The following CMTM3 variants were observed in gnomAD, a reference collection of about 807,000 sequenced individuals.
CMTM3 encodes CKLF-like MARVEL transmembrane domain-containing protein 3.
In CMTM3, 7 loss-of-function variants were observed where a neutral mutation model predicts 18.2. The ratio of observed to expected loss-of-function variants is 0.38; its 90% CI spans 0.22 to 0.72. The LOEUF is 0.72. Among genes scored for constraint, CMTM3 ranks in the 30% least tolerant of loss-of-function variants. CMTM3 has a pLI of 0.46. For missense variants in CMTM3, 227 were observed against 249.2 expected (o/e 0.91, Z 0.60); for synonymous variants, 109 against 111.2 (o/e 0.98, Z 0.12).
chr16:66,605,226 T>C lies in CMTM3; in HGVS notation c.147+274T>C. ...GTGGGAAGTGGGTGGGGCCCGGGGA[T>C]GTGGGTCCTGCTGTGTGAGCCAGGC... On this transcript the variant is annotated intron_variant, in intron 1 of 4. Coordinates refer to ENST00000567572, the MANE Select transcript of CMTM3 (RefSeq NM_181553.4). This position sits in a 1 kb window ranked among gnomAD's most constrained non-coding sequence, Gnocchi z 4.6. 6.1e-6 allele frequency: 2 copies of C among 326,312 alleles called. No homozygotes were observed. The highest frequency in any genetic ancestry group is 1.1e-5 in the Non-Finnish European group (2 of 178,080). 20.2% of individuals were successfully genotyped at this position (326,312 alleles called of 1,614,324 possible).
Position 66,612,317 on chromosome 16 carries a change from G to C in CMTM3, c.521-292G>C, listed in dbSNP as rs1431075949. 1.3e-5 allele frequency among the ~76,000 whole-genome samples: 2 copies of C among 152,172 alleles called. No homozygotes were observed. Among genetic ancestry groups the C allele is most frequent in the Non-Finnish European group, 2.9e-5 (2 of 68,024 alleles). ...GCTACTCGGGAGGGAGGAAGTTGCA[G>C]TGAGTCGAGATCCCGCCATTGCACT... On this transcript the variant is annotated intron_variant, in intron 4 of 4. Transcript: ENST00000567572. This position sits in a 1 kb window ranked among gnomAD's most constrained non-coding sequence, Gnocchi z 6.0.
Position 66,613,649 on chromosome 16 carries a change from G to C in CMTM3, c.*1012G>C, listed in dbSNP as rs2015467218. 6.5e-6 allele frequency: 1 copy of C among 153,536 alleles called. No homozygotes were observed. The highest frequency in any genetic ancestry group is 1.4e-5 in the Non-Finnish European group (1 of 68,982). 9.5% of individuals were successfully genotyped at this position (153,536 alleles called of 1,614,324 possible). Reference sequence around the variant, plus strand: ...GACTCTAGGCCTCACAAAAGAGCCAGAGTTCTGGACCCATGTTTGGAGCAT... The same window carrying C: ...GACTCTAGGCCTCACAAAAGAGCCACAGTTCTGGACCCATGTTTGGAGCAT... On this transcript the variant is annotated 3_prime_UTR_variant, in exon 5 of 5. Transcript: ENST00000567572.
At chr16:66,607,855 C>T (rs1476772292) in intron 1 of CMTM3, among the ~76,000 whole-genome samples, 4 of 149,278 alleles carry the variant, frequency 2.7e-5, no homozygotes, top group Admixed American at 6.7e-5. Context: ...TTTGTAGGGG[C>T]GGGTGCGGAC....
rs1031758621 is a variant in CMTM3, at chr16:66,605,074, C to T, written c.147+122C>T. On this transcript the variant is annotated intron_variant, in intron 1 of 4. Transcript: ENST00000567572. This position sits in a 1 kb window ranked among gnomAD's most constrained non-coding sequence, Gnocchi z 4.6. Reference sequence around the variant, plus strand: ...GTGCTCCGATACCCCCTCTCCGCGCCGCCTCGGCCGACTTCTCTCGGGCGC... The same window carrying T: ...GTGCTCCGATACCCCCTCTCCGCGCTGCCTCGGCCGACTTCTCTCGGGCGC... The T allele has an allele frequency of 4.3e-6, 4 of 925,074 alleles. No individual in the cohort carries two copies. Among genetic ancestry groups the T allele is most frequent in the Non-Finnish European group, 5.7e-6 (4 of 695,718 alleles). The allele number at this position is 925,074 out of a possible 1,614,324, so 57.3% of individuals were successfully genotyped here.
At position 66,610,983 on chromosome 16, in the gene CMTM3, A is replaced by T. The variant is rs1031722115; in HGVS notation, c.520+980A>T. 2.5e-6 allele frequency: 1 copy of T among 398,196 alleles called. No individual in the cohort carries two copies. Among genetic ancestry groups the T allele is most frequent in the African/African-American group, 2.1e-5 (1 of 48,638 alleles). 24.7% of individuals were successfully genotyped at this position (398,196 alleles called of 1,614,324 possible). On this transcript the variant is annotated intron_variant, in intron 4 of 4. Coordinates refer to ENST00000567572, the MANE Select transcript of CMTM3 (RefSeq NM_181553.4). This position sits in a 1 kb window ranked among gnomAD's most constrained non-coding sequence, Gnocchi z 4.6. ...CCAGGCGGTTTCCTCAGGCTCTGCA[A>T]CCTGCTCCCAGTTGCCCGCAGCAAG...
Position 66,604,935 on chromosome 16 carries a change from C to A in CMTM3, c.130C>A (p.Leu44Ile). The A allele has an allele frequency of 6.7e-7, 1 of 1,501,944 alleles. No homozygotes were observed. Among genetic ancestry groups the A allele is most frequent in the Non-Finnish European group, 8.8e-7 (1 of 1,135,958 alleles). The allele number at this position is 1,501,944 out of a possible 1,614,324, so 93.0% of individuals were successfully genotyped here. ...TTTCCTCTGCTCTCTCAAAGGCCGC[C>A]TCCTGCTGGCCGAGTCGGTGAGTGC... is the stretch of plus-strand genomic sequence containing the variant. Reference protein sequence around the residue: ...RAFLCSLKGRLLLAESGLSFI... With the variant: ...RAFLCSLKGRILLAESGLSFI... Residue 44 changes from leucine (L) to isoleucine (I), a missense_variant, in exon 1 of 5, where the codon CTC becomes ATC. Coordinates refer to ENST00000567572, the MANE Select transcript of CMTM3 (RefSeq NM_181553.4).
At chr16:66,606,872 A>G (rs2015176001) in intron 1 of CMTM3, among the ~76,000 whole-genome samples, 1 of 152,206 alleles carries the variant, frequency 6.6e-6, no homozygotes, top group Admixed American at 6.5e-5. Flanking sequence ...GGGCGCCTGT[A>G]ATCCCAGCTA....
chr16:66,609,795 A>C lies in CMTM3; in HGVS notation c.400-88A>C, dbSNP rs773520692. The C allele has an allele frequency of 3.7e-6, 6 of 1,613,402 alleles. No homozygotes were observed. The highest frequency in any genetic ancestry group is 1.6e-4 in the Middle Eastern group (1 of 6,084). ...TGACACTCGGGCTGTTTGTCCAAGC[A>C]GATCTGAAATGGGCCGTGAGGCTGG... is the stretch of plus-strand genomic sequence containing the variant. On this transcript the variant is annotated intron_variant, in intron 3 of 4. Coordinates refer to ENST00000567572, the MANE Select transcript of CMTM3 (RefSeq NM_181553.4). The surrounding 1 kb of genome is among the most constrained non-coding windows in gnomAD (Gnocchi z 4.4).
chr16:66,609,672 C>T lies in CMTM3; in HGVS notation c.399+142C>T. On this transcript the variant is annotated intron_variant, in intron 3 of 4. Coordinates refer to ENST00000567572, the MANE Select transcript of CMTM3 (RefSeq NM_181553.4). This position sits in a 1 kb window ranked among gnomAD's most constrained non-coding sequence, Gnocchi z 4.4. ...CCCGATGATGATTCCAAAGTCCTCT[C>T]ATTAAAGACTGACTCTACCCGGGGT... The T allele has an allele frequency of 1.3e-6, 2 of 1,533,456 alleles. No individual in the cohort carries two copies. The highest frequency in any genetic ancestry group is 3.9e-5 in the Admixed American group (2 of 50,942). 95.0% of individuals were successfully genotyped at this position (1,533,456 alleles called of 1,614,324 possible). A position where few individuals can be genotyped will look rare whatever the true frequency, so the allele number is the denominator to read the frequency against.
At position 66,610,391 on chromosome 16, in the gene CMTM3, G is replaced by A. The variant is rs372774147; in HGVS notation, c.520+388G>A. Among the ~76,000 whole-genome samples the A allele has an allele frequency of 2.0e-5, 3 of 152,182 alleles. No homozygotes were observed. The highest frequency in any genetic ancestry group is 1.9e-4 in the East Asian group (1 of 5,184). ...CCAGGCCTGTCCTGGGAAGCTCAGAGCCCAGAAAGGAGTCAGACCCAGAAA... is the reference window on the plus strand; with the variant it reads ...CCAGGCCTGTCCTGGGAAGCTCAGAACCCAGAAAGGAGTCAGACCCAGAAA... On this transcript the variant is annotated intron_variant, in intron 4 of 4. Transcript: ENST00000567572. This position sits in a 1 kb window ranked among gnomAD's most constrained non-coding sequence, Gnocchi z 4.6.
chr16:66,613,321 A>G lies in CMTM3; in HGVS notation c.*684A>G, dbSNP rs910384599. On this transcript the variant is annotated 3_prime_UTR_variant, in exon 5 of 5. Transcript: ENST00000567572. Reference sequence around the variant, plus strand: ...GACTGTTTCAAAGAAGAGCTCATAGACTGACTGGTCCAGAAGACAGAGGGT... The same window carrying G: ...GACTGTTTCAAAGAAGAGCTCATAGGCTGACTGGTCCAGAAGACAGAGGGT... 1 of 586,280 alleles carries G rather than the reference A, an allele frequency of 1.7e-6. No individual in the cohort carries two copies. The highest frequency in any genetic ancestry group is 1.9e-5 in the African/African-American group (1 of 53,628). 36.3% of individuals were successfully genotyped at this position (586,280 alleles called of 1,614,324 possible).
At position 66,612,034 on chromosome 16, in the gene CMTM3, G is replaced by A. The variant is rs1443482027; in HGVS notation, c.521-575G>A. Among the ~76,000 whole-genome samples, 1 of 152,124 alleles carries A rather than the reference G, an allele frequency of 6.6e-6. No homozygotes were observed. Among genetic ancestry groups the A allele is most frequent in the East Asian group, 1.9e-4 (1 of 5,180 alleles). On this transcript the variant is annotated intron_variant, in intron 4 of 4. Coordinates refer to ENST00000567572, the MANE Select transcript of CMTM3 (RefSeq NM_181553.4). This position sits in a 1 kb window ranked among gnomAD's most constrained non-coding sequence, Gnocchi z 6.0. ...GAAAAGCCCAGGGAGACTCCGGAGG[G>A]GCTGGGCCTGAGGAAGGGGCACCTG...
chr16:66,613,205 G>C lies in CMTM3; in HGVS notation c.*568G>C, dbSNP rs1450301022. The C allele has an allele frequency of 1.4e-6, 1 of 693,314 alleles. No individual in the cohort carries two copies. Among genetic ancestry groups the C allele is most frequent in the African/African-American group, 1.8e-5 (1 of 57,022 alleles). 42.9% of individuals were successfully genotyped at this position (693,314 alleles called of 1,614,324 possible). ...GGGAGAAATTGACCTTTGCCTTGTC[G>C]CCCAGGAAGTGGGGCTCGGCACCCA... is the stretch of plus-strand genomic sequence containing the variant. On this transcript the variant is annotated 3_prime_UTR_variant, in exon 5 of 5. Transcript: ENST00000567572.
At position 66,612,985 on chromosome 16, in the gene CMTM3, T is replaced by C; in HGVS notation, c.*348T>C. The stretch of plus-strand genomic sequence containing the variant: ...CTGGGCAGCAGGTGTTCCATGCTGC[T>C]AGGTGGCGGGGGTCGGGGGTCTTCT... On this transcript the variant is annotated 3_prime_UTR_variant, in exon 5 of 5. Coordinates refer to ENST00000567572, the MANE Select transcript of CMTM3 (RefSeq NM_181553.4). This position sits in a 1 kb window ranked among gnomAD's most constrained non-coding sequence, Gnocchi z 6.0. 1 of 697,108 alleles carries C rather than the reference T, an allele frequency of 1.4e-6. No homozygotes were observed. The highest frequency in any genetic ancestry group is 1.5e-5 in the South Asian group (1 of 67,080). 43.2% of individuals were successfully genotyped at this position (697,108 alleles called of 1,614,324 possible).
Sources: gnomAD v4.1 joint callset for allele counts (sites outside exome capture counted in the v4.1 genomes callset) on GRCh38, gnomAD v4.1.1 for gene constraint, Gnocchi (gnomAD v3.1) non-coding constraint, MANE v1.5 for transcripts, NCBI Gene and HGNC (gene_info 2026-07-23, HGNC 2026-07-21) for gene names.